TEX2: variants seen among roughly 807,000 people sequenced by gnomAD.
TEX2 encodes testis-expressed protein 2.
A neutral mutation model predicts 106.9 loss-of-function variants in TEX2; 53 were observed. That is an observed-to-expected ratio of 0.50 (90% CI 0.40 to 0.62). The LOEUF (loss-of-function observed/expected upper bound fraction) is 0.62, where lower values mean the gene tolerates loss of function less well. Among genes scored for constraint, TEX2 ranks in the 20% least tolerant of loss-of-function variants. The pLI, the probability that TEX2 is intolerant of heterozygous loss-of-function variation, is 0.00. For synonymous variants in TEX2, 523 were observed against 534.8 expected (o/e 0.98, Z 0.30); for missense variants, 1,207 against 1,379.0 (o/e 0.88, Z 1.98).
rs2033084637 is a variant in TEX2 at position 64,213,600 on chromosome 17, G to T, written c.618C>A (p.His206Gln). 5 of 1,614,146 alleles carry T rather than the reference G, an allele frequency of 3.1e-6. No individual in the cohort carries two copies. The highest frequency in any genetic ancestry group is 1.1e-5 in the South Asian group (1 of 91,084). ...STEVEPKESP[H>Q]PARHRHLMKT... ...TCATCAAGTGCCTGTGCCTTGCGGG[G>T]TGTGGGGATTCTTTTGGCTCCACCT... is the stretch of plus-strand genomic sequence containing the variant. Residue 206 changes from histidine to glutamine, a missense_variant, in exon 2 of 12, where the codon CAC (histidine) becomes CAA (glutamine). Physicochemically the swap from His to Gln is conservative, Grantham distance 24. This residue lies in a region of TEX2 where 1,067 missense variants were observed against 1,193.6 expected (regional missense o/e 0.89). Coordinates refer to ENST00000584379, the MANE Select transcript of TEX2 (RefSeq NM_001288732.2). This position sits in a 1 kb window ranked among gnomAD's most constrained non-coding sequence, Gnocchi z 4.4.
At chr17:64,157,997 C>T (rs1263807987) in intron 8 of TEX2, among the ~76,000 whole-genome samples, 6 of 152,218 alleles carry the variant, frequency 3.9e-5, no homozygotes, top group Non-Finnish European at 8.8e-5. Context: ...CTCATTCTGG[C>T]CCTCTGCAGG....
rs2030136723 is a variant in TEX2, at chr17:64,148,016, A to T, written c.*953T>A. 1 of 152,392 alleles carries T rather than the reference A, an allele frequency of 6.6e-6. No homozygotes were observed. Among genetic ancestry groups the T allele is most frequent in the African/African-American group, 2.4e-5 (1 of 41,360 alleles). 9.4% of individuals were successfully genotyped at this position (152,392 alleles called of 1,614,324 possible). The stretch of plus-strand genomic sequence containing the variant: ...GATGCTGAGCAAACTTTTGGTCTTG[A>T]CTCTTGAAATAATTAAAGAGAGCAG... On this transcript the variant is annotated 3_prime_UTR_variant, in exon 12 of 12. Transcript: ENST00000584379.
Position 64,193,721 on chromosome 17 carries a change from G to A in TEX2, c.2014C>T (p.Pro672Ser), listed in dbSNP as rs2032376040. Reference protein sequence around the residue: ...AEGSEDPKKPPRPQEGTRSSQ... With the variant: ...AEGSEDPKKPSRPQEGTRSSQ... ...GATCTTGTTCCCTCCTGAGGGCGGG[G>A]TGGCTTCTTAGGGTCCTCACTTCCC... Residue 672 changes from proline (P) to serine (S), a missense_variant, in exon 4 of 12, where the codon CCC (proline) becomes TCC (serine). Physicochemically the swap from Pro to Ser is moderately conservative, Grantham distance 74. This residue lies in a region of TEX2 where 1,067 missense variants were observed against 1,193.6 expected (regional missense o/e 0.89). Transcript: ENST00000584379. 4 of 1,613,118 alleles carry A rather than the reference G, an allele frequency of 2.5e-6. No homozygotes were observed. Among genetic ancestry groups the A allele is most frequent in the African/African-American group, 1.3e-5 (1 of 74,896 alleles).
At chr17:64,176,368 A>G (rs2031616449) in intron 6 of TEX2, among the ~76,000 whole-genome samples, 1 of 152,308 alleles carries the variant, frequency 6.6e-6, no homozygotes, top group Middle Eastern at 3.4e-3. Flanking sequence ...TTCTTAATCT[A>G]GAGTCCTTGA....
intron 2 of TEX2, among the ~76,000 whole-genome samples, chr17:64,209,949 T>C (rs1172707628): frequency 6.6e-6 from 1 of 152,176 alleles, no homozygotes; most frequent in Non-Finnish European, 1.5e-5. Flanking sequence ...TCACAGTGAT[T>C]GGATTGACAC....
chr17:64,229,687 ATTG>A (rs2033610644), intron 1 of TEX2, among the ~76,000 whole-genome samples: 1 of 152,190 alleles, frequency 6.6e-6, no homozygotes, highest in African/African-American at 2.4e-5. Context: ...TAACACACAT[ATTG>A]CTCTGTTTCC....
rs58313195 is a variant in TEX2, at chr17:64,210,634, CTTTTTTTT to C, written c.1644+1932_1644+1939del. Among the ~76,000 whole-genome samples, 135 of 74,754 alleles carry C rather than the reference CTTTTTTTT, an allele frequency of 1.8e-3. 1 individual carries two copies. The highest frequency in any genetic ancestry group is 7.0e-3 in the African/African-American group (122 of 17,336). The allele number at this position is 74,754 out of a possible 152,430, so 49.0% of individuals were successfully genotyped here. ...TAAAAGAATTCTCCCCAACCCCCAG[CTTTTTTTT>C]TTTTTTTTTTTTTTTTTGCAATAGG... On this transcript the variant is annotated intron_variant, in intron 2 of 11. Coordinates refer to ENST00000584379, the MANE Select transcript of TEX2 (RefSeq NM_001288732.2).
At chr17:64,254,251 A>G (rs1212354486) in intron 1 of TEX2, among the ~76,000 whole-genome samples, 1 of 152,214 alleles carries the variant, frequency 6.6e-6, no homozygotes, top group Non-Finnish European at 1.5e-5. Context: ...AAGGAAGATC[A>G]TGAGTCCCAC....
Position 64,166,282 on chromosome 17 carries a change from C to T in TEX2, c.2671+4818G>A, listed in dbSNP as rs555595133. Reference sequence around the variant, plus strand: ...ACACTGCATCTCTACCACACCCAAACGAGGCGGGCAGGACTGCCATCAGCA... The same window carrying T: ...ACACTGCATCTCTACCACACCCAAATGAGGCGGGCAGGACTGCCATCAGCA... On this transcript the variant is annotated intron_variant, in intron 7 of 11. Transcript: ENST00000584379. Among the ~76,000 whole-genome samples, 75 of 152,342 alleles carry T rather than the reference C, an allele frequency of 4.9e-4. 1 individual carries two copies. Among genetic ancestry groups the T allele is most frequent in the East Asian group, 3.8e-4 (2 of 5,196 alleles).
intron 1 of TEX2, among the ~76,000 whole-genome samples, chr17:64,247,435 T>C (rs1209836908): frequency 1.1e-4 from 16 of 152,188 alleles, no homozygotes; most frequent in Non-Finnish European, 2.4e-4. Context: ...GAAAATATCC[T>C]GGCACAGGAC....
chr17:64,212,934 C>G lies in TEX2; in HGVS notation c.1284G>C (p.Leu428Phe). The change falls in exon 2 of 12, where the codon TTG becomes TTC. Residue 428 changes from leucine (L) to phenylalanine (F), a missense_variant. Transcript: ENST00000584379. ...FCELYTEDFDLETEGESKVDK... is the reference protein window; with the variant it reads ...FCELYTEDFDFETEGESKVDK... ...CAACTTTACTCTCCCCCTCCGTTTC[C>G]AAATCGAAGTCCTCAGTGTACAGTT... The G allele has an allele frequency of 6.2e-7, 1 of 1,614,220 alleles. No individual in the cohort carries two copies. Among genetic ancestry groups the G allele is most frequent in the Non-Finnish European group, 8.5e-7 (1 of 1,180,038 alleles).
At chr17:64,250,708 G>T (rs2034073783) in intron 1 of TEX2, among the ~76,000 whole-genome samples, 1 of 152,010 alleles carries the variant, frequency 6.6e-6, no homozygotes, top group South Asian at 2.1e-4. Context: ...TTTTGACAGG[G>T]TCTCGCTCTG....
intron 2 of TEX2, among the ~76,000 whole-genome samples, chr17:64,201,740 A>G (rs2032668979): frequency 6.6e-6 from 1 of 152,184 alleles, no homozygotes; most frequent in Non-Finnish European, 1.5e-5. Context: ...ACCTAGGCTC[A>G]GTTCTCTGGT....
chr17:64,195,000 T>C lies in TEX2; in HGVS notation c.1740A>G (p.Arg580=). ...VFVRLEGGTL[R]LSKPNKNISR... is the part of the protein sequence containing the mutation. ...ATATATTTTTATTGGGCTTTGAAAG[T>C]CTTAAGGTTCCACCCTCAAGTCGAA... Residue 580 remains arginine (R), a synonymous_variant, in exon 3 of 12, where the codon AGA becomes AGG. Coordinates refer to ENST00000584379, the MANE Select transcript of TEX2 (RefSeq NM_001288732.2). 6.2e-7 allele frequency: 1 copy of C among 1,614,138 alleles called. No homozygotes were observed. The highest frequency in any genetic ancestry group is 8.5e-7 in the Non-Finnish European group (1 of 1,180,008).
chr17:64,238,587 T>A (rs1168094974), intron 1 of TEX2, among the ~76,000 whole-genome samples: 1 of 152,198 alleles, frequency 6.6e-6, no homozygotes, highest in Non-Finnish European at 1.5e-5. Context: ...AGGAGACACC[T>A]CTTCACAGGG....
At chr17:64,171,244 A>G (rs2031383576) in intron 6 of TEX2, 45 bp from the exon 7 acceptor site, 1 of 1,506,342 alleles carries the variant, frequency 6.6e-7, no homozygotes, top group East Asian at 2.3e-5. Flanking sequence ...TGAGCAACCT[A>G]CAAAACATGC....
At chr17:64,251,902 T>C (rs1227681926) in intron 1 of TEX2, among the ~76,000 whole-genome samples, 1 of 152,132 alleles carries the variant, frequency 6.6e-6, no homozygotes, top group Admixed American at 6.5e-5. Flanking sequence ...GGCAAAGTAC[T>C]CTAGTTTGCT....
At chr17:64,198,755 A>G (rs2032560548) in intron 2 of TEX2, among the ~76,000 whole-genome samples, 1 of 152,214 alleles carries the variant, frequency 6.6e-6, no homozygotes, top group East Asian at 1.9e-4. Flanking sequence ...AAATCACCAT[A>G]TAAAATATTT....
Position 64,167,176 on chromosome 17 carries a change from C to T in TEX2, c.2671+3924G>A, listed in dbSNP as rs534722778. ...TTGAGACAGGTTGTGTGTGTTGGAACAGGGACAAGCCAACATGGCCATTGT... is the reference window on the plus strand; with the variant it reads ...TTGAGACAGGTTGTGTGTGTTGGAATAGGGACAAGCCAACATGGCCATTGT... On this transcript the variant is annotated intron_variant, in intron 7 of 11. Coordinates refer to ENST00000584379, the MANE Select transcript of TEX2 (RefSeq NM_001288732.2). Among the ~76,000 whole-genome samples, 730 of 152,296 alleles carry T rather than the reference C, an allele frequency of 4.8e-3. 5 individuals are homozygous for T. Among genetic ancestry groups the T allele is most frequent in the Non-Finnish European group, 7.6e-3 (516 of 68,012 alleles).
Sources: gnomAD v4.1 joint callset for allele counts (sites outside exome capture counted in the v4.1 genomes callset) on GRCh38, gnomAD v4.1.1 for gene constraint, gnomAD v4.1.1 regional missense constraint, Gnocchi (gnomAD v3.1) non-coding constraint, MANE v1.5 for transcripts, NCBI Gene and HGNC (gene_info 2026-07-23, HGNC 2026-07-21) for gene names.